Variants in HCN1 observed in about 807,000 individuals in gnomAD.
The protein encoded by HCN1 is hyperpolarization activated cyclic nucleotide gated potassium channel 1, also known as potassium/sodium hyperpolarization-activated cyclic nucleotide-gated channel 1.
A neutral mutation model predicts 78.9 loss-of-function variants in HCN1; 13 were observed. The observed-to-expected ratio is 0.16, with a 90% CI of 0.11 to 0.26. The LOEUF is 0.26. HCN1 is among the 10% of genes least tolerant of loss of function. The pLI, the probability that HCN1 is intolerant of heterozygous loss-of-function variation, is 1.00. For missense variants in HCN1, 810 were observed against 1,154.3 expected (o/e 0.70, Z 4.32); for synonymous variants, 552 against 455.5 (o/e 1.21, Z -2.70).
chr5:45,452,330 T>C (rs1740936207), intron 3 of HCN1, among the ~76,000 whole-genome samples: 1 of 151,410 alleles, frequency 6.6e-6, no homozygotes, highest in Non-Finnish European at 1.5e-5. Flanking sequence ...TTTTTTTTTT[T>C]TGTTTTTTTT....
intron 2 of HCN1, among the ~76,000 whole-genome samples, chr5:45,531,419 A>G (rs1343300294): frequency 6.6e-6 from 1 of 152,240 alleles, no homozygotes; most frequent in Middle Eastern, 3.4e-3. Context: ...TATTGCCATT[A>G]TTGAGTCTTT....
intron 5 of HCN1, among the ~76,000 whole-genome samples, chr5:45,350,469 C>T (rs980288638): frequency 6.6e-6 from 1 of 152,024 alleles, no homozygotes; most frequent in Non-Finnish European, 1.5e-5. Flanking sequence ...TGCCACAAGA[C>T]AGGGATGCCC....
intron 1 of HCN1, among the ~76,000 whole-genome samples, chr5:45,646,934 A>AT (rs1745559833): frequency 6.6e-6 from 1 of 152,168 alleles, no homozygotes; most frequent in African/African-American, 2.4e-5. Flanking sequence ...TTACCAAGAT[A>AT]TTTTTGTTTT....
chr5:45,532,706 T>C (rs2337413), intron 2 of HCN1, among the ~76,000 whole-genome samples: 15,140 of 152,220 alleles, frequency 0.099, 963 homozygotes, highest in Middle Eastern at 0.17. Context: ...TATCCTACAG[T>C]ACTTGTTGTC....
At chr5:45,685,700 G>A (rs887988126) in intron 1 of HCN1, among the ~76,000 whole-genome samples, 6 of 149,560 alleles carry the variant, frequency 4.0e-5, no homozygotes, top group Admixed American at 6.6e-5. Context: ...CAAAAAGAAC[G>A]AAACTCCATC....
chr5:45,277,589 T>G (rs1258447905), intron 6 of HCN1, among the ~76,000 whole-genome samples: 1 of 152,098 alleles, frequency 6.6e-6, no homozygotes, highest in Non-Finnish European at 1.5e-5. Flanking sequence ...ATGAAACTCT[T>G]TCTCACATTA....
chr5:45,537,846 A>C (rs1270422245), intron 2 of HCN1, among the ~76,000 whole-genome samples: 1 of 152,008 alleles, frequency 6.6e-6, no homozygotes, highest in Non-Finnish European at 1.5e-5. Flanking sequence ...TAAAGAACCT[A>C]CAGAGAATCA....
intron 4 of HCN1, among the ~76,000 whole-genome samples, chr5:45,353,786 C>A (rs1487313219): frequency 6.6e-6 from 1 of 151,888 alleles, no homozygotes; most frequent in Non-Finnish European, 1.5e-5. Context: ...TTACTGAGAA[C>A]TAAGAGACTA....
chr5:45,624,260 T>A (rs1181126585), intron 2 of HCN1, among the ~76,000 whole-genome samples: 1 of 152,162 alleles, frequency 6.6e-6, no homozygotes, highest in East Asian at 1.9e-4. Context: ...AGTGTAGAAG[T>A]AATAAAACAC....
chr5:45,630,930 T>G (rs1262674036), intron 2 of HCN1, among the ~76,000 whole-genome samples: 7 of 152,162 alleles, frequency 4.6e-5, no homozygotes, highest in African/African-American at 1.7e-4. Flanking sequence ...GAGTCCAATA[T>G]ATATTTATTA....
At chr5:45,535,724 A>G (rs1742953935) in intron 2 of HCN1, among the ~76,000 whole-genome samples, 1 of 151,604 alleles carries the variant, frequency 6.6e-6, no homozygotes, top group Admixed American at 6.6e-5. Flanking sequence ...TTTTAATACC[A>G]AGGAATTTTC....
chr5:45,543,883 A>G (rs1035278824), intron 2 of HCN1, among the ~76,000 whole-genome samples: 1 of 152,108 alleles, frequency 6.6e-6, no homozygotes, highest in Non-Finnish European at 1.5e-5. Context: ...TAATTCTTAG[A>G]TATTATTTTT....
chr5:45,652,095 A>C (rs1485116235), intron 1 of HCN1, among the ~76,000 whole-genome samples: 3 of 151,958 alleles, frequency 2.0e-5, no homozygotes, highest in Non-Finnish European at 2.9e-5. Context: ...TGGTTTATTA[A>C]ATTAAGCTAA....
intron 2 of HCN1, among the ~76,000 whole-genome samples, chr5:45,574,310 C>A (rs1743894542): frequency 6.6e-6 from 1 of 152,090 alleles, no homozygotes; most frequent in South Asian, 2.1e-4. Flanking sequence ...TGGTAATATT[C>A]ATAATATTTC....
chr5:45,487,923 C>T (rs2111691011), intron 2 of HCN1, among the ~76,000 whole-genome samples: 1 of 152,182 alleles, frequency 6.6e-6, no homozygotes, highest in African/African-American at 2.4e-5. Context: ...GATATCTCCT[C>T]TTTTTAAATG....
intron 5 of HCN1, among the ~76,000 whole-genome samples, chr5:45,313,766 T>A (rs1745912274): frequency 6.6e-6 from 1 of 152,154 alleles, no homozygotes; most frequent in Non-Finnish European, 1.5e-5. Context: ...AAAGGGTATC[T>A]GTGACTGAAG....
intron 2 of HCN1, among the ~76,000 whole-genome samples, chr5:45,636,368 A>G (rs1488186965): frequency 6.6e-6 from 1 of 152,212 alleles, no homozygotes; most frequent in East Asian, 1.9e-4. Context: ...TCACTCTAAT[A>G]GCACACAAAT....
At chr5:45,373,818 G>A (rs1183762216) in intron 4 of HCN1, among the ~76,000 whole-genome samples, 7 of 106,236 alleles carry the variant, frequency 6.6e-5, no homozygotes, top group African/African-American at 8.4e-5. Flanking sequence ...TATTACATAC[G>A]GTATATACGT....
chr5:45,612,455 T>C (rs933000788), intron 2 of HCN1, among the ~76,000 whole-genome samples: 1 of 152,160 alleles, frequency 6.6e-6, no homozygotes, highest in Non-Finnish European at 1.5e-5. Flanking sequence ...AGCCAACACA[T>C]ACTGATTAAT....
Sources: gnomAD v4.1 joint callset for allele counts (sites outside exome capture counted in the v4.1 genomes callset) on GRCh38, gnomAD v4.1.1 for gene constraint, MANE v1.5 for transcripts, NCBI Gene and HGNC (gene_info 2026-07-23, HGNC 2026-07-21) for gene names.